The following GRAMD1B variants were observed in gnomAD, a reference collection of about 807,000 sequenced individuals.
The protein encoded by GRAMD1B is protein Aster-B.
A neutral mutation model predicts 99.7 loss-of-function variants in GRAMD1B; 37 were observed. That is an observed-to-expected ratio of 0.37 (90% CI 0.29 to 0.49). The LOEUF is 0.49. Among genes scored for constraint, GRAMD1B ranks in the 20% least tolerant of loss-of-function variants. The probability of loss-of-function intolerance (pLI) is 0.98; values close to 1 mark genes in which losing one functional copy is unlikely to be tolerated. For synonymous variants in GRAMD1B, 427 were observed against 387.6 expected (o/e 1.10, Z -1.19); for missense variants, 888 against 1,009.2 (o/e 0.88, Z 1.63).
In GRAMD1B at chr11:123,492,599, C is replaced by T. The variant is rs548508510; in HGVS notation, c.452+11706C>T. On this transcript the variant is annotated intron_variant, in intron 2 of 19. Transcript: ENST00000635736. The surrounding 1 kb of genome is among the most constrained non-coding windows in gnomAD (Gnocchi z 4.2). Reference sequence around the variant, plus strand: ...CCTGGAGGAGGAAGAGGTTCCAGCCCCTAAGGTTAGAATTAAATTTGAAGG... The same window carrying T: ...CCTGGAGGAGGAAGAGGTTCCAGCCTCTAAGGTTAGAATTAAATTTGAAGG... 6.6e-6 allele frequency among the ~76,000 whole-genome samples: 1 copy of T among 152,106 alleles called. No individual in the cohort carries two copies. The highest frequency in any genetic ancestry group is 1.9e-4 in the East Asian group (1 of 5,170).
chr11:123,457,926 AGGTGGTCTTGAACTCCTG>A (rs544987398), intron 1 of GRAMD1B, among the ~76,000 whole-genome samples: 30 of 152,120 alleles, frequency 2.0e-4, no homozygotes, highest in African/African-American at 6.0e-4. Flanking sequence ...ATGTTATCCA[AGGTGGTCTTGAACTCCTG>A]GGCTCAAGGA....
intron 2 of GRAMD1B, among the ~76,000 whole-genome samples, chr11:123,493,992 T>C (rs1938917162): frequency 6.6e-6 from 1 of 152,198 alleles, no homozygotes; most frequent in African/African-American, 2.4e-5. Context: ...AATGGCTTAT[T>C]TTCCATTTTA....
At chr11:123,367,194 C>T (rs551820879) in intron 1 of GRAMD1B, among the ~76,000 whole-genome samples, 63 of 152,284 alleles carry the variant, frequency 4.1e-4, no homozygotes, top group African/African-American at 1.5e-3. Flanking sequence ...CAGAGCAAGA[C>T]CCTGTCTCAA....
intron 2 of GRAMD1B, chr11:123,559,720 G>T (rs1946506797): frequency 1.0e-6 from 1 of 982,928 alleles, no homozygotes; most frequent in Non-Finnish European, 1.2e-6. Context: ...TGTTACTCTT[G>T]CTGTCTGTGA....
upstream of GRAMD1B, among the ~76,000 whole-genome samples, chr11:123,426,072 C>T (rs1160595408): frequency 6.6e-6 from 1 of 152,184 alleles, no homozygotes; most frequent in African/African-American, 2.4e-5. Flanking sequence ...AGGTGTTTAG[C>T]ATCCGGTGAT....
chr11:123,419,976 T>C (rs1424562390), intron 1 of GRAMD1B, among the ~76,000 whole-genome samples: 1 of 152,026 alleles, frequency 6.6e-6, no homozygotes, highest in Non-Finnish European at 1.5e-5. Context: ...CACGGAATGA[T>C]CATGTGAACA....
intron 2 of GRAMD1B, among the ~76,000 whole-genome samples, chr11:123,519,094 G>A (rs1452466840): frequency 3.9e-5 from 6 of 152,198 alleles, no homozygotes; most frequent in African/African-American, 7.2e-5. Context: ...CCTGCACAGC[G>A]CTGTTTCACC....
At chr11:123,552,217 A>T (rs1273335648) in intron 2 of GRAMD1B, among the ~76,000 whole-genome samples, 2 of 150,792 alleles carry the variant, frequency 1.3e-5, no homozygotes, top group Non-Finnish European at 3.0e-5. Context: ...TTCTTCCCTT[A>T]GTATATCCCA....
In GRAMD1B at chr11:123,610,456, T is replaced by TGG. The variant is rs1953387432; in HGVS notation, c.1919+118_1919+119insGG. The TGG allele has an allele frequency of 1.0e-6, 1 of 962,394 alleles. No individual in the cohort carries two copies. The highest frequency in any genetic ancestry group is 1.9e-5 in the Admixed American group (1 of 53,310). The allele number at this position is 962,394 out of a possible 1,614,324, so 59.6% of individuals were successfully genotyped here. A position where few individuals can be genotyped will look rare whatever the true frequency, so the allele number is the denominator to read the frequency against. The stretch of plus-strand genomic sequence containing the variant: ...GTGCTTGGCTGCTGACTCTCTTTAT[T>TGG]CTACTTTCTCTCCGAAGCCTTATGA... On this transcript the variant is annotated intron_variant, in intron 14 of 19. Transcript: ENST00000635736. The surrounding 1 kb of genome is among the most constrained non-coding windows in gnomAD (Gnocchi z 4.1).
chr11:123,557,531 A>G (rs1207604489), intron 2 of GRAMD1B, among the ~76,000 whole-genome samples: 1 of 152,214 alleles, frequency 6.6e-6, no homozygotes, highest in Non-Finnish European at 1.5e-5. Flanking sequence ...ATTGCTTTTG[A>G]CCAATATTGA....
chr11:123,600,335 A>G, intron 7 of GRAMD1B, 133 bp from the exon 8 acceptor site: 1 of 604,652 alleles, frequency 1.7e-6, no homozygotes, highest in East Asian at 3.0e-5. Flanking sequence ...GATGTACGTG[A>G]TCACAGGTAA....
At chr11:123,364,500 C>T (rs770890781) in intron 1 of GRAMD1B, among the ~76,000 whole-genome samples, 2 of 152,320 alleles carry the variant, frequency 1.3e-5, no homozygotes, top group Admixed American at 6.5e-5. Context: ...ATTAGGCATC[C>T]GTGTGCATTT....
intron 2 of GRAMD1B, among the ~76,000 whole-genome samples, chr11:123,540,241 T>G (rs76216428): frequency 8.3e-5 from 10 of 120,470 alleles, no homozygotes; most frequent in African/African-American, 2.1e-4. Context: ...TTTTTGGTTG[T>G]TTTTTTTTTT....
chr11:123,398,123 A>C (rs929850059), intron 1 of GRAMD1B, among the ~76,000 whole-genome samples: 2 of 152,250 alleles, frequency 1.3e-5, no homozygotes, highest in Admixed American at 1.3e-4. Context: ...TCAGTCGTAT[A>C]GTAAATGTAT....
chr11:123,437,908 T>G (rs771946766), intron 1 of GRAMD1B, among the ~76,000 whole-genome samples: 18 of 152,198 alleles, frequency 1.2e-4, no homozygotes, highest in Non-Finnish European at 1.8e-4. Context: ...CCCGTCACTA[T>G]TGGTGTAGCT....
intron 17 of GRAMD1B, among the ~76,000 whole-genome samples, chr11:123,616,763 C>T (rs1367298288): frequency 6.6e-6 from 1 of 152,238 alleles, no homozygotes; most frequent in Non-Finnish European, 1.5e-5. Context: ...GCAGGCTTCA[C>T]TTAGACAGCA....
At position 123,451,330 on chromosome 11, in the gene GRAMD1B, T is replaced by G. The variant is rs149195179; in HGVS notation, c.374+20164T>G. Among the ~76,000 whole-genome samples the G allele has an allele frequency of 5.9e-4, 90 of 152,270 alleles. No homozygotes were observed. The East Asian group carries it at 0.017, about 28-fold the overall frequency. On this transcript the variant is annotated intron_variant, in intron 1 of 19. Coordinates refer to ENST00000635736, the MANE Select transcript of GRAMD1B (RefSeq NM_001387025.1). ...CCTGCATCCTGTGGGGCAGATGTAA[T>G]GAGTAGACCCACCTGGCACTTAAGG...
At chr11:123,399,040 C>G (rs1015159491) in intron 1 of GRAMD1B, among the ~76,000 whole-genome samples, 25 of 152,180 alleles carry the variant, frequency 1.6e-4, no homozygotes, top group African/African-American at 5.5e-4. Context: ...CTAGGACTTA[C>G]TTATCTTTTA....
At chr11:123,373,130 C>T (rs920810799) in intron 1 of GRAMD1B, among the ~76,000 whole-genome samples, 16 of 152,040 alleles carry the variant, frequency 1.1e-4, no homozygotes, top group African/African-American at 3.6e-4. Context: ...CAGAGTGAGA[C>T]TCTGTCTCAA....
Sources: gnomAD v4.1 joint callset for allele counts (sites outside exome capture counted in the v4.1 genomes callset) on GRCh38, gnomAD v4.1.1 for gene constraint, Gnocchi (gnomAD v3.1) non-coding constraint, MANE v1.5 for transcripts, NCBI Gene and HGNC (gene_info 2026-07-23, HGNC 2026-07-21) for gene names.